The following KCNIP4 variants were observed in gnomAD, a reference collection of about 807,000 sequenced individuals.
The protein encoded by KCNIP4 is Kv channel-interacting protein 4.
A neutral mutation model predicts 34.0 loss-of-function variants in KCNIP4; 12 were observed. That is an observed-to-expected ratio of 0.35 (90% CI 0.23 to 0.57). KCNIP4 has a LOEUF of 0.57. Among genes scored for constraint, KCNIP4 ranks in the 20% least tolerant of loss-of-function variants. The probability of loss-of-function intolerance (pLI) is 0.83; values close to 1 mark genes in which losing one functional copy is unlikely to be tolerated. For missense variants in KCNIP4, 238 were observed against 311.7 expected, an observed-to-expected ratio of 0.76 and a Z score of 1.78; for synonymous variants, 124 against 102.2, an observed-to-expected ratio of 1.21 and a Z score of -1.29.
chr4:20,741,217 G>A lies in KCNIP4; in HGVS notation c.430-6482C>T, dbSNP rs191888599. Reference sequence around the variant, plus strand: ...ACTTGAACTCAGCTCTGCAGCAAGCGGACCTAATAGACATCTACAGAACTC... The same window carrying A: ...ACTTGAACTCAGCTCTGCAGCAAGCAGACCTAATAGACATCTACAGAACTC... On this transcript the variant is annotated intron_variant, in intron 5 of 8. Transcript: ENST00000382152. Among the ~76,000 whole-genome samples the A allele has an allele frequency of 7.6e-4, 115 of 152,132 alleles. 2 individuals are homozygous for A. The East Asian group carries it at 0.014, about 18-fold the overall frequency.
At chr4:21,480,111 T>A (rs1443377007) in intron 1 of KCNIP4, among the ~76,000 whole-genome samples, 1 of 151,614 alleles carries the variant, frequency 6.6e-6, no homozygotes, top group Non-Finnish European at 1.5e-5. Context: ...AAAACCTACA[T>A]AAATACTGTA....
chr4:21,487,677 T>C (rs916374864), intron 1 of KCNIP4, among the ~76,000 whole-genome samples: 1 of 152,196 alleles, frequency 6.6e-6, no homozygotes, highest in East Asian at 1.9e-4. Flanking sequence ...TAGAGACTTA[T>C]CTATTCTTCC....
intron 1 of KCNIP4, among the ~76,000 whole-genome samples, chr4:21,237,808 G>A (rs1260250947): frequency 6.6e-6 from 1 of 152,142 alleles, no homozygotes; most frequent in Non-Finnish European, 1.5e-5. Flanking sequence ...GTACAAGGAG[G>A]AGCTGTTATC....
intron 1 of KCNIP4, among the ~76,000 whole-genome samples, chr4:21,351,762 G>T (rs1477081794): frequency 6.6e-6 from 1 of 152,136 alleles, no homozygotes; most frequent in Admixed American, 6.6e-5. Flanking sequence ...GACAATATGA[G>T]ATTATGACCA....
At chr4:21,038,486 T>C (rs1741659974) in intron 1 of KCNIP4, among the ~76,000 whole-genome samples, 1 of 152,142 alleles carries the variant, frequency 6.6e-6, no homozygotes, top group Non-Finnish European at 1.5e-5. Context: ...CCTGGCCTCC[T>C]TCTCCCACTT....
chr4:21,010,402 T>TAAGA (rs973120479), intron 1 of KCNIP4, among the ~76,000 whole-genome samples: 82 of 152,340 alleles, frequency 5.4e-4, no homozygotes, highest in African/African-American at 1.8e-3. Context: ...ACCACACTCT[T>TAAGA]AGTCTAATGA....
chr4:21,709,887 T>C (rs1016168992), intron 1 of KCNIP4, among the ~76,000 whole-genome samples: 1 of 152,174 alleles, frequency 6.6e-6, no homozygotes, highest in African/African-American at 2.4e-5. Flanking sequence ...ACTAATGCCA[T>C]AGGCCAAATG....
chr4:21,342,744 C>G lies in KCNIP4; in HGVS notation c.62-460035G>C, dbSNP rs139302261. On this transcript the variant is annotated intron_variant, in intron 1 of 8. Transcript: ENST00000382152. ...TGCTAGGCTCACAGCTTGCTATATC[C>G]CCTACAGGAAAGAAAAAAATCCTGC... 1.1e-3 allele frequency among the ~76,000 whole-genome samples: 160 copies of G among 152,156 alleles called. 1 individual carries two copies. The highest frequency in any genetic ancestry group is 3.8e-3 in the African/African-American group (157 of 41,526).
chr4:20,807,655 G>A (rs1376097396), intron 3 of KCNIP4, among the ~76,000 whole-genome samples: 1 of 152,044 alleles, frequency 6.6e-6, no homozygotes, highest in Non-Finnish European at 1.5e-5. Flanking sequence ...AAAATGAAAA[G>A]CATCTTTTAG....
At chr4:21,758,023 A>G (rs568159238) in intron 1 of KCNIP4, among the ~76,000 whole-genome samples, 8 of 152,110 alleles carry the variant, frequency 5.3e-5, no homozygotes, top group Non-Finnish European at 8.8e-5. Flanking sequence ...AATAAGACCA[A>G]CTCCCTAATT....
chr4:21,848,372 T>G (rs190415441), intron 1 of KCNIP4: 2 of 152,236 alleles, frequency 1.3e-5, no homozygotes, highest in Non-Finnish European at 2.9e-5. Flanking sequence ...TCTGGCTCCG[T>G]CGCTCACCCA....
At chr4:21,248,850 C>T (rs1345811998) in intron 1 of KCNIP4, among the ~76,000 whole-genome samples, 1 of 152,022 alleles carries the variant, frequency 6.6e-6, no homozygotes, top group Non-Finnish European at 1.5e-5. Flanking sequence ...AGTTAAACAA[C>T]TTTCAAAGTC....
At chr4:20,782,091 T>C (rs1463650759) in intron 3 of KCNIP4, among the ~76,000 whole-genome samples, 2 of 152,178 alleles carry the variant, frequency 1.3e-5, no homozygotes, top group African/African-American at 4.8e-5. Context: ...TCCAAAATGA[T>C]GTCCTTTTAT....
At chr4:21,868,884 G>T (rs957055351) in intron 1 of KCNIP4, among the ~76,000 whole-genome samples, 1 of 152,110 alleles carries the variant, frequency 6.6e-6, no homozygotes, top group African/African-American at 2.4e-5. Flanking sequence ...ATATTTACAC[G>T]ACAGGTTGAT....
intron 1 of KCNIP4, among the ~76,000 whole-genome samples, chr4:21,407,367 A>AT (rs1724082586): frequency 6.6e-6 from 1 of 152,040 alleles, no homozygotes; most frequent in African/African-American, 2.4e-5. Flanking sequence ...CATTTTACTC[A>AT]TAATTGCTGG....
intron 3 of KCNIP4, among the ~76,000 whole-genome samples, chr4:20,772,346 G>A (rs1560453789): frequency 6.6e-6 from 1 of 152,140 alleles, no homozygotes; most frequent in Non-Finnish European, 1.5e-5. Context: ...GCACAGGAGC[G>A]TAACGGTTAA....
intron 1 of KCNIP4, among the ~76,000 whole-genome samples, chr4:21,801,295 G>A (rs1720978036): frequency 6.6e-6 from 1 of 152,144 alleles, no homozygotes; most frequent in South Asian, 2.1e-4. Flanking sequence ...ATTGATAAAT[G>A]TGCTGCAGTA....
At chr4:21,150,253 A>G (rs1479943391) in intron 1 of KCNIP4, among the ~76,000 whole-genome samples, 1 of 152,202 alleles carries the variant, frequency 6.6e-6, no homozygotes, top group East Asian at 1.9e-4. Context: ...AGAAAGTTTG[A>G]GACTGATTTA....
At chr4:20,870,691 A>G (rs1043555297) in intron 2 of KCNIP4, among the ~76,000 whole-genome samples, 15 of 152,258 alleles carry the variant, frequency 9.9e-5, no homozygotes, top group Admixed American at 9.8e-4. Context: ...ATAGGGGAAT[A>G]AAAATCATCT....
Sources: gnomAD v4.1 joint callset for allele counts (sites outside exome capture counted in the v4.1 genomes callset) on GRCh38, gnomAD v4.1.1 for gene constraint, MANE v1.5 for transcripts, NCBI Gene and HGNC (gene_info 2026-07-23, HGNC 2026-07-21) for gene names.